Variants in KCNMB2 observed in about 807,000 individuals in gnomAD.
KCNMB2 encodes the protein calcium-activated potassium channel subunit beta-2.
A neutral mutation model predicts 24.5 loss-of-function variants in KCNMB2; 9 were observed. The observed-to-expected ratio is 0.37, with a 90% CI of 0.22 to 0.64. The LOEUF is 0.64. Among genes scored for constraint, KCNMB2 ranks in the 30% least tolerant of loss-of-function variants. KCNMB2 has a pLI of 0.63. For missense variants in KCNMB2, 226 were observed against 284.3 expected (o/e 0.79, Z 1.47); for synonymous variants, 109 against 104.4 (o/e 1.04, Z -0.27).
chr3:178,760,143 C>A (rs1166499635), intron 1 of KCNMB2, among the ~76,000 whole-genome samples: 2 of 14,488 alleles, frequency 1.4e-4, no homozygotes, highest in Non-Finnish European at 2.4e-4. Flanking sequence ...TATATATATC[C>A]AAGAGGATAT....
Position 178,680,710 on chromosome 3 carries a change from G to T in KCNMB2, c.-67-126633G>T, listed in dbSNP as rs551581398. 2.1e-3 allele frequency among the ~76,000 whole-genome samples: 318 copies of T among 152,206 alleles called. 2 individuals carry two copies. The highest frequency in any genetic ancestry group is 7.4e-3 in the African/African-American group (306 of 41,538). On this transcript the variant is annotated intron_variant, in intron 1 of 4. Transcript: ENST00000452583. Reference sequence around the variant, plus strand: ...AGGGACACCACGCTCTCCTGGTTTTGCTCACTCCTCATTCAACAACCTTGC... The same window carrying T: ...AGGGACACCACGCTCTCCTGGTTTTTCTCACTCCTCATTCAACAACCTTGC...
Position 178,636,460 on chromosome 3 carries a change from TTA to T in KCNMB2, c.-68+99751_-68+99752del, listed in dbSNP as rs201711137. Reference sequence around the variant, plus strand: ...AAAAAATCTCTTCAACTTAGATGAATTATGTTTTTCACGCATGTCATTTAAAA... The same window carrying T: ...AAAAAATCTCTTCAACTTAGATGAATTGTTTTTCACGCATGTCATTTAAAA... On this transcript the variant is annotated intron_variant, in intron 1 of 4. Coordinates refer to ENST00000452583, the MANE Select transcript of KCNMB2 (RefSeq NM_181361.3). Among the ~76,000 whole-genome samples the T allele has an allele frequency of 7.7e-3, 1,166 of 152,326 alleles. 15 individuals are homozygous for T. The highest frequency in any genetic ancestry group is 0.027 in the African/African-American group (1,128 of 41,568).
intron 1 of KCNMB2, among the ~76,000 whole-genome samples, chr3:178,602,083 A>C (rs530307481): frequency 6.6e-6 from 1 of 152,304 alleles, no homozygotes; most frequent in South Asian, 2.1e-4. Context: ...AGAAGGATAG[A>C]TCCAGGATAA....
At chr3:178,618,433 T>C (rs1318624190) in intron 1 of KCNMB2, among the ~76,000 whole-genome samples, 1 of 152,206 alleles carries the variant, frequency 6.6e-6, no homozygotes, top group Non-Finnish European at 1.5e-5. Context: ...AATCCTTCTC[T>C]GTCTTCACCC....
At chr3:178,817,227 A>ATATATATAT (rs1408060884) in intron 2 of KCNMB2, among the ~76,000 whole-genome samples, 4 of 148,322 alleles carry the variant, frequency 2.7e-5, no homozygotes, top group East Asian at 4.0e-4. Context: ...ATATATATAT[A>ATATATATAT]AATGAAGTGT....
At chr3:178,608,794 C>A (rs1323131185) in intron 1 of KCNMB2, among the ~76,000 whole-genome samples, 1 of 152,104 alleles carries the variant, frequency 6.6e-6, no homozygotes, top group East Asian at 1.9e-4. Flanking sequence ...GCCTCCAGTT[C>A]TATGTTGCTA....
rs112190189 is a variant in KCNMB2 at position 178,727,613 on chromosome 3, G to A, written c.-67-79730G>A. Among the ~76,000 whole-genome samples the A allele has an allele frequency of 5.3e-3, 804 of 152,256 alleles. 4 individuals carry two copies. The highest frequency in any genetic ancestry group is 8.3e-3 in the Non-Finnish European group (567 of 67,994). The stretch of plus-strand genomic sequence containing the variant: ...ATGACTAAGGAAGAAAAGTCAGAGA[G>A]ATGCAACATTGCTGGCTTTGAAGAT... On this transcript the variant is annotated intron_variant, in intron 1 of 4. Coordinates refer to ENST00000452583, the MANE Select transcript of KCNMB2 (RefSeq NM_181361.3).
At chr3:178,840,448 C>T (rs1395231027) in intron 4 of KCNMB2, among the ~76,000 whole-genome samples, 1 of 152,218 alleles carries the variant, frequency 6.6e-6, no homozygotes, top group African/African-American at 2.4e-5. Flanking sequence ...AGTGGGGATT[C>T]TGTGTGGGAA....
intron 1 of KCNMB2, among the ~76,000 whole-genome samples, chr3:178,614,293 A>ATGTATG (rs1424585232): frequency 1.3e-4 from 11 of 85,962 alleles, no homozygotes; most frequent in African/African-American, 4.8e-4. Context: ...ATATATATAT[A>ATGTATG]TATGTATGTA....
At chr3:178,759,211 T>A (rs1711556142) in intron 1 of KCNMB2, among the ~76,000 whole-genome samples, 1 of 112,190 alleles carries the variant, frequency 8.9e-6, no homozygotes. Context: ...TATATATATA[T>A]AATATATCTA....
chr3:178,702,323 C>A (rs1722130161), intron 1 of KCNMB2, among the ~76,000 whole-genome samples: 1 of 150,094 alleles, frequency 6.7e-6, no homozygotes, highest in African/African-American at 2.4e-5. Flanking sequence ...AGGAGATATA[C>A]CTAATGTAAA....
At chr3:178,766,386 G>A (rs542356927) in intron 1 of KCNMB2, among the ~76,000 whole-genome samples, 22 of 152,094 alleles carry the variant, frequency 1.4e-4, no homozygotes, top group African/African-American at 4.3e-4. Context: ...TGGCAATGGG[G>A]TCTCACTGTG....
intron 1 of KCNMB2, among the ~76,000 whole-genome samples, chr3:178,590,251 G>A (rs532905652): frequency 2.7e-4 from 41 of 152,124 alleles, no homozygotes; most frequent in African/African-American, 7.2e-4. Context: ...GAGGGAGAAC[G>A]GGTTTTTGCA....
At chr3:178,762,015 C>G (rs558187123) in intron 1 of KCNMB2, among the ~76,000 whole-genome samples, 6 of 152,100 alleles carry the variant, frequency 3.9e-5, no homozygotes, top group Non-Finnish European at 8.8e-5. Context: ...ACTAAAAATA[C>G]AAAAAATTAA....
In KCNMB2 at chr3:178,679,200, T is replaced by C. The variant is rs1362783759; in HGVS notation, c.-67-128143T>C. Among the ~76,000 whole-genome samples the C allele has an allele frequency of 4.6e-5, 7 of 152,200 alleles. No individual in the cohort carries two copies. In the East Asian group the frequency reaches 1.3e-3, roughly 29 times the overall value. On this transcript the variant is annotated intron_variant, in intron 1 of 4. Coordinates refer to ENST00000452583, the MANE Select transcript of KCNMB2 (RefSeq NM_181361.3). ...ACATTAACATTAATCACTAATGTGA[T>C]ATTAACTAAGGGCTCAATTCTCAAT...
intron 1 of KCNMB2, among the ~76,000 whole-genome samples, chr3:178,764,054 T>G (rs1712020859): frequency 6.6e-6 from 1 of 152,198 alleles, no homozygotes; most frequent in African/African-American, 2.4e-5. Context: ...AGATGATAAA[T>G]GAAGGACCTA....
chr3:178,594,010 C>T (rs1040488030), intron 1 of KCNMB2, among the ~76,000 whole-genome samples: 39 of 151,490 alleles, frequency 2.6e-4, no homozygotes, highest in African/African-American at 8.8e-4. Flanking sequence ...TTTGAAAATG[C>T]TATTTTGTTC....
At chr3:178,613,197 C>T (rs150710508) in intron 1 of KCNMB2, among the ~76,000 whole-genome samples, 431 of 152,204 alleles carry the variant, frequency 2.8e-3, no homozygotes, top group African/African-American at 9.7e-3. Flanking sequence ...CAAGAGTTCA[C>T]GACCCACATG....
intron 1 of KCNMB2, among the ~76,000 whole-genome samples, chr3:178,635,831 A>G (rs199922686): frequency 2.0e-5 from 3 of 152,204 alleles, no homozygotes; most frequent in East Asian, 3.8e-4. Context: ...TGCCTGGTAA[A>G]CTATAATAAT....
Sources: allele counts gnomAD v4.1 joint callset (sites outside exome capture counted in the v4.1 genomes callset), GRCh38; gene constraint gnomAD v4.1.1; transcripts MANE v1.5; gene names NCBI Gene and HGNC (gene_info 2026-07-23, HGNC 2026-07-21).